The following SYNPO2 variants were observed in gnomAD, a reference collection of about 807,000 sequenced individuals.
SYNPO2 encodes synaptopodin-2.
In SYNPO2, 56 loss-of-function variants were observed where a neutral mutation model predicts 85.0. That is an observed-to-expected ratio of 0.66 (90% CI 0.53 to 0.82). SYNPO2 has a LOEUF of 0.82. SYNPO2 is among the 40% of genes least tolerant of loss of function. The pLI is 0.00. For synonymous variants in SYNPO2, 602 were observed against 591.1 expected (o/e 1.02, Z -0.27); for missense variants, 1,575 against 1,534.2 (o/e 1.03, Z -0.44).
intron 4 of SYNPO2, among the ~76,000 whole-genome samples, chr4:119,055,681 G>A (rs1001083960): frequency 2.6e-5 from 4 of 152,196 alleles, no homozygotes; most frequent in Non-Finnish European, 4.4e-5. Flanking sequence ...GTGACTAAAA[G>A]TCAGGATTCC....
At position 119,057,785 on chromosome 4, in the gene SYNPO2, T is replaced by C. The variant is rs1739261056; in HGVS notation, c.3637T>C (p.Tyr1213His). The stretch of plus-strand genomic sequence containing the variant: ...TAATAATATGTCCACCACCTCCCAA[T>C]ATGGTTCACAGTTGCCATATGCATA... ...ANNNMSTTSQYGSQLPYAYYR... is the reference protein window; with the variant it reads ...ANNNMSTTSQHGSQLPYAYYR... Residue 1213 changes from tyrosine (Y) to histidine (H), a missense_variant, in exon 5 of 5, where the codon TAT becomes CAT. By Grantham distance (83) the Tyr-to-His change is moderately conservative (BLOSUM62 2). Coordinates refer to ENST00000307142, the MANE Select transcript of SYNPO2 (RefSeq NM_133477.3). 6.2e-7 allele frequency: 1 copy of C among 1,614,046 alleles called. No individual in the cohort carries two copies. Among genetic ancestry groups the C allele is most frequent in the Non-Finnish European group, 8.5e-7 (1 of 1,180,004 alleles).
intron 1 of SYNPO2, among the ~76,000 whole-genome samples, chr4:118,891,286 A>T (rs1732371751): frequency 6.6e-6 from 1 of 152,202 alleles, no homozygotes; most frequent in South Asian, 2.1e-4. Context: ...TATAGATTTT[A>T]AAATATCATT....
intron 1 of SYNPO2, among the ~76,000 whole-genome samples, chr4:118,925,991 G>A (rs1733698660): frequency 6.6e-6 from 1 of 152,128 alleles, no homozygotes; most frequent in South Asian, 2.1e-4. Flanking sequence ...CATGGATCCT[G>A]CCTCCAAAAT....
chr4:118,871,257 TTTTTC>T (rs772230401), intron 1 of SYNPO2, among the ~76,000 whole-genome samples: 40 of 152,224 alleles, frequency 2.6e-4, no homozygotes, highest in East Asian at 1.2e-3. Context: ...CGTATCTTTA[TTTTTC>T]TTTTCTTTAT....
intron 1 of SYNPO2, among the ~76,000 whole-genome samples, chr4:118,952,954 A>T (rs1734748184): frequency 6.6e-6 from 1 of 152,160 alleles, no homozygotes; most frequent in Admixed American, 6.6e-5. Context: ...ATACAGAATC[A>T]GAGTAGTGGA....
intron 1 of SYNPO2, among the ~76,000 whole-genome samples, chr4:118,866,386 C>G (rs1179423072): frequency 6.6e-6 from 1 of 152,178 alleles, no homozygotes; most frequent in South Asian, 2.1e-4. Context: ...AGAACGACTG[C>G]TCCAACACCA....
At chr4:119,029,400 A>G (rs1738116638) in intron 3 of SYNPO2, among the ~76,000 whole-genome samples, 1 of 152,158 alleles carries the variant, frequency 6.6e-6, no homozygotes, top group African/African-American at 2.4e-5. Flanking sequence ...CTCCCTTTTT[A>G]AGATTCCTGG....
chr4:118,900,659 C>G (rs943142496), intron 1 of SYNPO2, among the ~76,000 whole-genome samples: 6 of 94,190 alleles, frequency 6.4e-5, no homozygotes, highest in Admixed American at 4.7e-4. Flanking sequence ...ACCCTAGAAT[C>G]TCTTTCTCTC....
rs1245317950 is a variant in SYNPO2, at chr4:119,029,081, C to A, written c.1070-764C>A. On this transcript the variant is annotated intron_variant, in intron 3 of 4. Coordinates refer to ENST00000307142, the MANE Select transcript of SYNPO2 (RefSeq NM_133477.3). Reference sequence around the variant, plus strand: ...ATTTCTCCAAGGTTTATTCTTGCTGCAAGGAAAGTAATATTGTATTTCCAA... The same window carrying A: ...ATTTCTCCAAGGTTTATTCTTGCTGAAAGGAAAGTAATATTGTATTTCCAA... 3.3e-5 allele frequency among the ~76,000 whole-genome samples: 5 copies of A among 151,990 alleles called. No homozygotes were observed. In the East Asian group the frequency reaches 9.6e-4, roughly 29 times the overall value.
intron 1 of SYNPO2, among the ~76,000 whole-genome samples, chr4:118,918,855 T>C (rs1327020947): frequency 6.6e-6 from 1 of 152,204 alleles, no homozygotes; most frequent in Non-Finnish European, 1.5e-5. Flanking sequence ...CTTCATCAAG[T>C]ATTTTGAAGG....
intron 1 of SYNPO2, chr4:119,006,483 G>A (rs537836726): frequency 6.6e-6 from 1 of 152,222 alleles, no homozygotes; most frequent in South Asian, 2.1e-4. Flanking sequence ...CAAGTTCTCA[G>A]AATTTATAAA....
chr4:118,992,330 A>G (rs1370133408), intron 1 of SYNPO2, among the ~76,000 whole-genome samples: 2 of 152,182 alleles, frequency 1.3e-5, no homozygotes, highest in Non-Finnish European at 2.9e-5. Context: ...TAAAACTGTG[A>G]CAAAGAGGAC....
At chr4:118,982,396 A>G (rs1736060066) in intron 1 of SYNPO2, among the ~76,000 whole-genome samples, 3 of 152,216 alleles carry the variant, frequency 2.0e-5, no homozygotes, top group African/African-American at 7.2e-5. Context: ...GTTCTTCACC[A>G]TGGACATGTC....
rs1738175649 is a variant in SYNPO2, at chr4:119,030,396, G to T, written c.1621G>T (p.Glu541Ter). The T allele has an allele frequency of 1.2e-6, 2 of 1,614,030 alleles. No individual in the cohort carries two copies. The highest frequency in any genetic ancestry group is 1.1e-5 in the South Asian group (1 of 91,084). ...CACGACTTCTTACCAAAGAAAGGAG[G>T]AAGAGTCGGTAAGAACGCAGAGCTC... ...RTTTSYQRKE[E>*]ESVRTQSSVS... The change falls in exon 4 of 5, where the codon GAA becomes TAA. Residue 541 changes from glutamate to a stop codon, truncating the protein, a stop_gained. Coordinates refer to ENST00000307142, the MANE Select transcript of SYNPO2 (RefSeq NM_133477.3). LOFTEE classifies it high-confidence loss of function.
At chr4:118,927,713 TAGATAGATA>T (rs1252490537) in intron 1 of SYNPO2, among the ~76,000 whole-genome samples, 5 of 141,960 alleles carry the variant, frequency 3.5e-5, no homozygotes, top group Non-Finnish European at 7.7e-5. Context: ...GATAGATAGA[TAGATAGATA>T]GATAGATAGA....
Position 119,023,426 on chromosome 4 carries a change from T to C in SYNPO2, c.106-4T>C, listed in dbSNP as rs773949791. On this transcript the variant is annotated splice_polypyrimidine_tract_variant and splice_region_variant and intron_variant, in intron 1 of 4. Transcript: ENST00000307142. ...ACTATGTCTTCTTTTTTTACTCCAC[T>C]CAGATTCGAAATCAGAGCAAAGCCT... The C allele has an allele frequency of 5.0e-6, 8 of 1,602,972 alleles. No individual in the cohort carries two copies. The highest frequency in any genetic ancestry group is 4.5e-5 in the East Asian group (2 of 44,754).
intron 4 of SYNPO2, among the ~76,000 whole-genome samples, chr4:119,055,803 A>G (rs2149202056): frequency 6.6e-6 from 1 of 152,290 alleles, no homozygotes; most frequent in East Asian, 1.9e-4. Flanking sequence ...TAAAATTTAA[A>G]TGATTAAAAT....
At chr4:118,869,711 A>G (rs530105604) in intron 1 of SYNPO2, among the ~76,000 whole-genome samples, 5 of 152,300 alleles carry the variant, frequency 3.3e-5, no homozygotes, top group African/African-American at 9.6e-5. Context: ...AGTGGAAAAA[A>G]CTTACAACTG....
At chr4:119,009,180 A>G (rs1478059475) in intron 1 of SYNPO2, among the ~76,000 whole-genome samples, 1 of 152,230 alleles carries the variant, frequency 6.6e-6, no homozygotes, top group Non-Finnish European at 1.5e-5. Context: ...TTGATACAAA[A>G]TATTTTTGAA....
Sources: allele counts gnomAD v4.1 joint callset (sites outside exome capture counted in the v4.1 genomes callset), GRCh38; gene constraint gnomAD v4.1.1; transcripts MANE v1.5; gene names NCBI Gene and HGNC (gene_info 2026-07-23, HGNC 2026-07-21).